Variants in RLIM observed in about 807,000 individuals in gnomAD.
RLIM encodes the protein E3 ubiquitin-protein ligase RLIM.
Under a neutral mutation model 34.0 loss-of-function variants are expected in RLIM, and 2 were observed. The observed-to-expected ratio is 0.06, with a 90% CI of 0.02 to 0.19. The LOEUF is 0.19. Ranked by LOEUF, RLIM falls within the 10% of genes least tolerant of loss-of-function variation. RLIM has a pLI of 1.00. For synonymous variants in RLIM, 169 were observed against 164.0 expected (o/e 1.03, Z -0.23); for missense variants, 286 against 479.7 (o/e 0.60, Z 3.77).
intron 1 of RLIM, among the ~76,000 whole-genome samples, chrX:74,613,580 T>C (rs1602172886): frequency 9.3e-6 from 1 of 107,736 alleles, no homozygotes. Context: ...TTAATACTAG[T>C]TACTAAGCTA....
At chrX:74,602,935 T>C (rs1385372556) in intron 1 of RLIM, among the ~76,000 whole-genome samples, 1 of 110,321 alleles carries the variant, frequency 9.1e-6, no homozygotes, top group Admixed American at 9.7e-5. Flanking sequence ...GTTAAAGACA[T>C]GCAGAAGCAA....
At chrX:74,593,122 T>C (rs1408360151) in intron 3 of RLIM, 61 bp from the exon 4 acceptor site, 11 of 1,083,349 alleles carry the variant, frequency 1.0e-5, no homozygotes, top group East Asian at 6.1e-5. Context: ...AGGACAATCA[T>C]ATAAGTGCTC....
intron 2 of RLIM, among the ~76,000 whole-genome samples, chrX:74,594,687 T>C (rs1280681040): frequency 2.7e-5 from 3 of 109,695 alleles, no homozygotes; most frequent in African/African-American, 1.0e-4. Flanking sequence ...TCACCGGAGG[T>C]CAGGAGTTCG....
chrX:74,607,052 A>C (rs772553546), intron 1 of RLIM, among the ~76,000 whole-genome samples: 106 of 110,509 alleles, frequency 9.6e-4, no homozygotes, highest in African/African-American at 3.4e-3. Context: ...CTGAGGTGGG[A>C]GGATCACTTG....
Position 74,595,803 on chromosome X carries a change from G to A in RLIM, c.169+6C>T, listed in dbSNP as rs756161056. On this transcript the variant is annotated splice_donor_region_variant and intron_variant, in intron 2 of 3. Coordinates refer to ENST00000332687, the MANE Select transcript of RLIM (RefSeq NM_016120.4). Reference sequence around the variant, plus strand: ...CTTATAAATCCTTAAATATATGTAAGCATACCTGGGGTGCCTAGCAAATTG... The same window carrying A: ...CTTATAAATCCTTAAATATATGTAAACATACCTGGGGTGCCTAGCAAATTG... 117 of 1,171,327 alleles carry A rather than the reference G, an allele frequency of 1.0e-4. No individual in the cohort carries two copies. The highest frequency in any genetic ancestry group is 1.3e-4 in the Non-Finnish European group (115 of 870,948).
At chrX:74,602,549 T>C (rs1285294569) in intron 1 of RLIM, among the ~76,000 whole-genome samples, 1 of 111,151 alleles carries the variant, frequency 9.0e-6, no homozygotes, top group Non-Finnish European at 1.9e-5. Context: ...CTGACTAACA[T>C]GGCAAAACCC....
At chrX:74,611,593 C>T (rs753446083) in intron 1 of RLIM, among the ~76,000 whole-genome samples, 2 of 111,870 alleles carry the variant, frequency 1.8e-5, no homozygotes, top group Non-Finnish European at 3.8e-5. Flanking sequence ...GAAACAGGAA[C>T]GTAACAGACG....
intron 1 of RLIM, among the ~76,000 whole-genome samples, chrX:74,602,585 A>C (rs1392655603): frequency 9.0e-6 from 1 of 111,275 alleles, no homozygotes; most frequent in East Asian, 2.8e-4. Flanking sequence ...AAATACAAAA[A>C]AATTATCTGG....
In RLIM at chrX:74,585,774, T is replaced by C. The variant is rs1010108360; in HGVS notation, c.*5666A>G. 4 of 111,788 alleles carry C rather than the reference T, an allele frequency of 3.6e-5. No individual in the cohort carries two copies. The highest frequency in any genetic ancestry group is 1.3e-4 in the African/African-American group (4 of 30,731). The allele number at this position is 111,788 out of a possible 1,213,427, so 9.2% of individuals were successfully genotyped here. On this transcript the variant is annotated 3_prime_UTR_variant, in exon 4 of 4. Coordinates refer to ENST00000332687, the MANE Select transcript of RLIM (RefSeq NM_016120.4). The stretch of plus-strand genomic sequence containing the variant: ...GAAGGGTGTTATGTTCAGGTTTAAA[T>C]TGAAAGAAAATGAGAAACCAGATAA...
intron 1 of RLIM, among the ~76,000 whole-genome samples, chrX:74,603,729 C>G (rs1285242468): frequency 9.0e-6 from 1 of 111,650 alleles, no homozygotes; most frequent in Non-Finnish European, 1.9e-5. Flanking sequence ...TGTAATTTTT[C>G]AAAATGCCAA....
Position 74,586,930 on chromosome X carries a change from C to CA in RLIM, c.*4509dup, listed in dbSNP as rs1301995228. ...ACAACATGGCGAAACCCCATCTCCA[C>CA]AAAAAATTAGCCAGGCAATGTGGTG... On this transcript the variant is annotated 3_prime_UTR_variant, in exon 4 of 4. Coordinates refer to ENST00000332687, the MANE Select transcript of RLIM (RefSeq NM_016120.4). 1 of 110,354 alleles carries CA rather than the reference C, an allele frequency of 9.1e-6. No homozygotes were observed. The highest frequency in any genetic ancestry group is 3.3e-5 in the African/African-American group (1 of 30,325). 9.1% of individuals were successfully genotyped at this position (110,354 alleles called of 1,213,427 possible). A position where few individuals can be genotyped will look rare whatever the true frequency, so the allele number is the denominator to read the frequency against.
rs1440990608 is a variant in RLIM at position 74,589,399 on chromosome X, T to G, written c.*2041A>C. The G allele has an allele frequency of 1.8e-5, 2 of 111,498 alleles. No individual in the cohort carries two copies. Among genetic ancestry groups the G allele is most frequent in the Non-Finnish European group, 3.8e-5 (2 of 53,116 alleles). 9.2% of individuals were successfully genotyped at this position (111,498 alleles called of 1,213,427 possible). A position where few individuals can be genotyped will look rare whatever the true frequency, so the allele number is the denominator to read the frequency against. On this transcript the variant is annotated 3_prime_UTR_variant, in exon 4 of 4. Coordinates refer to ENST00000332687, the MANE Select transcript of RLIM (RefSeq NM_016120.4). ...GAATCCTGACTTTTACACGGACAAA[T>G]TTTTAAAAAGATAAAATGTATTACA...
intron 1 of RLIM, among the ~76,000 whole-genome samples, chrX:74,601,519 C>G (rs1926863): frequency 9.3e-6 from 1 of 107,838 alleles, no homozygotes; most frequent in African/African-American, 3.3e-5. Flanking sequence ...AAAATACAAA[C>G]CCCCCCCCAA....
chrX:74,609,947 T>C (rs1465027716), intron 1 of RLIM, among the ~76,000 whole-genome samples: 1 of 112,250 alleles, frequency 8.9e-6, no homozygotes, highest in Non-Finnish European at 1.9e-5. Context: ...GGAAGTAACA[T>C]GTTCATCATC....
chrX:74,611,386 C>A (rs1344234856), intron 1 of RLIM, among the ~76,000 whole-genome samples: 1 of 111,967 alleles, frequency 8.9e-6, no homozygotes, highest in Non-Finnish European at 1.9e-5. Flanking sequence ...TGTTCACTAA[C>A]CTCAAAGATA....
rs1396380613 is a variant in RLIM, at chrX:74,585,628, G to C, written c.*5812C>G. The C allele has an allele frequency of 8.9e-6, 1 of 112,221 alleles. No homozygotes were observed. The highest frequency in any genetic ancestry group is 3.2e-5 in the African/African-American group (1 of 30,897). The allele number at this position is 112,221 out of a possible 1,213,427, so 9.2% of individuals were successfully genotyped here. A position where few individuals can be genotyped will look rare whatever the true frequency, so the allele number is the denominator to read the frequency against. ...AATATGATTGACCTTTCAAGGTCTT[G>C]TTTTGCTTTAAACAAGTTAACTTTT... On this transcript the variant is annotated 3_prime_UTR_variant, in exon 4 of 4. Coordinates refer to ENST00000332687, the MANE Select transcript of RLIM (RefSeq NM_016120.4).
rs939416417 is a variant in RLIM at position 74,587,247 on chromosome X, T to C, written c.*4193A>G. 8.9e-6 allele frequency: 1 copy of C among 111,807 alleles called. No homozygotes were observed. The highest frequency in any genetic ancestry group is 1.9e-5 in the Non-Finnish European group (1 of 53,218). 9.2% of individuals were successfully genotyped at this position (111,807 alleles called of 1,213,427 possible). A position where few individuals can be genotyped will look rare whatever the true frequency, so the allele number is the denominator to read the frequency against. Reference sequence around the variant, plus strand: ...AACTCAATGAATTACAATACTGTTATTGAATATAAACATACTGAAGAATTA... The same window carrying C: ...AACTCAATGAATTACAATACTGTTACTGAATATAAACATACTGAAGAATTA... On this transcript the variant is annotated 3_prime_UTR_variant, in exon 4 of 4. Coordinates refer to ENST00000332687, the MANE Select transcript of RLIM (RefSeq NM_016120.4).
intron 1 of RLIM, among the ~76,000 whole-genome samples, chrX:74,609,501 A>T (rs867886849): frequency 9.6e-6 from 1 of 103,889 alleles, no homozygotes; most frequent in African/African-American, 3.8e-5. Context: ...AAAAAAAAAA[A>T]AAAAAAAAAA....
chrX:74,603,058 T>C (rs1204604426), intron 1 of RLIM, among the ~76,000 whole-genome samples: 1 of 109,647 alleles, frequency 9.1e-6, no homozygotes, highest in East Asian at 2.9e-4. Context: ...AAGCAGAAGC[T>C]GGATATTAAA....
Sources: gnomAD v4.1 joint callset for allele counts (sites outside exome capture counted in the v4.1 genomes callset) on GRCh38, gnomAD v4.1.1 for gene constraint, MANE v1.5 for transcripts, NCBI Gene and HGNC (gene_info 2026-07-23, HGNC 2026-07-21) for gene names.